The following CASZ1 variants were observed in gnomAD, a reference collection of about 807,000 sequenced individuals.
CASZ1 encodes castor zinc finger 1.
CASZ1 carries 28 observed loss-of-function variants against 135.2 expected under a neutral mutation model. The observed-to-expected ratio is 0.21, with a 90% CI of 0.15 to 0.28. CASZ1 has a LOEUF of 0.28. Among genes scored for constraint, CASZ1 ranks in the 10% least tolerant of loss-of-function variants. CASZ1 has a pLI of 1.00. For missense variants in CASZ1, 2,161 were observed against 2,453.3 expected, an observed-to-expected ratio of 0.88 and a Z score of 2.52; for synonymous variants, 1,068 against 1,073.4, an observed-to-expected ratio of 0.99 and a Z score of 0.10.
Position 10,755,199 on chromosome 1 carries a change from C to T in CASZ1, c.-77+5502G>A, listed in dbSNP as rs2100564110. Among the ~76,000 whole-genome samples, 1 of 152,344 alleles carries T rather than the reference C, an allele frequency of 6.6e-6. No individual in the cohort carries two copies. The highest frequency in any genetic ancestry group is 1.9e-4 in the East Asian group (1 of 5,178). On this transcript the variant is annotated intron_variant, in intron 2 of 20. Transcript: ENST00000377022. The surrounding 1 kb of genome is among the most constrained non-coding windows in gnomAD (Gnocchi z 4.3). ...GGGGATCACTGGCCGCCTCATGCCT[C>T]AGGGTGGTGGCTCTGGGCCTAAGGG...
chr1:10,714,885 C>T (rs1008085573), intron 2 of CASZ1, among the ~76,000 whole-genome samples: 11 of 152,228 alleles, frequency 7.2e-5, no homozygotes, highest in Admixed American at 1.3e-4. Flanking sequence ...GCTGCCTTGT[C>T]TCCACCCAGC....
rs1271565475 is a variant in CASZ1, at chr1:10,676,327, C to T, written c.17-10756G>A. Among the ~76,000 whole-genome samples the T allele has an allele frequency of 6.6e-6, 1 of 152,294 alleles. No homozygotes were observed. Among genetic ancestry groups the T allele is most frequent in the East Asian group, 1.9e-4 (1 of 5,182 alleles). ...TTGTCGGCCACGTTGAGGGAGGGCC[C>T]CTGCCTGTCCCATGCTCACCCCTGT... On this transcript the variant is annotated intron_variant, in intron 4 of 20. Coordinates refer to ENST00000377022, the MANE Select transcript of CASZ1 (RefSeq NM_001079843.3). The surrounding 1 kb of genome is among the most constrained non-coding windows in gnomAD (Gnocchi z 4.5).
At chr1:10,640,498 T>A (rs1469671007) in intron 20 of CASZ1, among the ~76,000 whole-genome samples, 1 of 152,192 alleles carries the variant, frequency 6.6e-6, no homozygotes, top group East Asian at 1.9e-4. Context: ...CCGGCTCCTT[T>A]CCCGCCGGCT....
Position 10,640,068 on chromosome 1 carries a change from G to T in CASZ1, c.4163-9C>A. The T allele has an allele frequency of 1.3e-6, 2 of 1,599,570 alleles. No homozygotes were observed. Among genetic ancestry groups the T allele is most frequent in the South Asian group, 1.1e-5 (1 of 90,540 alleles). On this transcript the variant is annotated splice_polypyrimidine_tract_variant and intron_variant, in intron 20 of 20. Coordinates refer to ENST00000377022, the MANE Select transcript of CASZ1 (RefSeq NM_001079843.3). ...CATAGAGATGGTGTTCCCTGGGGAGGGGCAGGGAGGTCAGTGCAGAAGAGG... is the reference window on the plus strand; with the variant it reads ...CATAGAGATGGTGTTCCCTGGGGAGTGGCAGGGAGGTCAGTGCAGAAGAGG...
At position 10,709,382 on chromosome 1, in the gene CASZ1, G is replaced by A. The variant is rs1334137302; in HGVS notation, c.-76-3838C>T. ...GCTGGGGCCATGTCAGCCCGGCAGT[G>A]TGAGGAGGGGGGCGGCATAGACAAC... On this transcript the variant is annotated intron_variant, in intron 2 of 20. Coordinates refer to ENST00000377022, the MANE Select transcript of CASZ1 (RefSeq NM_001079843.3). The surrounding 1 kb of genome is among the most constrained non-coding windows in gnomAD (Gnocchi z 5.1). 2.0e-5 allele frequency among the ~76,000 whole-genome samples: 3 copies of A among 152,136 alleles called. No homozygotes were observed. The highest frequency in any genetic ancestry group is 4.8e-5 in the African/African-American group (2 of 41,428).
intron 1 of CASZ1, among the ~76,000 whole-genome samples, chr1:10,778,065 TCACA>T (rs961848443): frequency 1.7e-4 from 26 of 150,832 alleles, no homozygotes; most frequent in African/African-American, 5.6e-4. Context: ...ACGCAAAATC[TCACA>T]CACACAATCT....
intron 4 of CASZ1, among the ~76,000 whole-genome samples, chr1:10,673,111 C>A (rs1315687735): frequency 2.0e-5 from 3 of 149,246 alleles, no homozygotes; most frequent in Admixed American, 6.7e-5. Context: ...GAGGGCCCTG[C>A]GGAGGGGCTG....
chr1:10,743,417 A>AGGGGAGCCCTGGGAGAGCCCTG (rs1639966762), intron 2 of CASZ1, among the ~76,000 whole-genome samples: 1 of 151,000 alleles, frequency 6.6e-6, no homozygotes, highest in Admixed American at 6.6e-5. Context: ...CTCAGAATGA[A>AGGGGAGCCCTGGGAGAGCCCTG]GGAGAGCCCT....
At chr1:10,651,144 G>A (rs964670627) in intron 11 of CASZ1, 68 bp from the exon 12 acceptor site, 23 of 1,336,492 alleles carry the variant, frequency 1.7e-5, no homozygotes, top group Non-Finnish European at 2.0e-5. Context: ...GACAGCCGCC[G>A]TGCCCCCTGG....
chr1:10,698,933 C>A (rs1049202803), intron 3 of CASZ1, among the ~76,000 whole-genome samples: 3 of 152,224 alleles, frequency 2.0e-5, no homozygotes, highest in African/African-American at 7.2e-5. Flanking sequence ...CACAGCGGAC[C>A]GGACCGGAGG....
At chr1:10,790,927 G>A (rs1557574287) in intron 1 of CASZ1, among the ~76,000 whole-genome samples, 1 of 151,948 alleles carries the variant, frequency 6.6e-6, no homozygotes, top group African/African-American at 2.4e-5. Flanking sequence ...AATCTTATTA[G>A]CAAAGGTCCA....
At position 10,758,846 on chromosome 1, in the gene CASZ1, AG is replaced by A. The variant is rs1258517774; in HGVS notation, c.-77+1854del. Among the ~76,000 whole-genome samples the A allele has an allele frequency of 5.3e-5, 8 of 152,304 alleles. No homozygotes were observed. In the South Asian group the frequency reaches 1.7e-3, roughly 32 times the overall value. ...CTGCAGTCCAGCCTGGTCACTGGAA[AG>A]GGCTAAGTGAGGAGGGACTTGGCCA... On this transcript the variant is annotated intron_variant, in intron 2 of 20. Transcript: ENST00000377022.
chr1:10,721,463 C>T lies in CASZ1; in HGVS notation c.-76-15919G>A, dbSNP rs572254014. On this transcript the variant is annotated intron_variant, in intron 2 of 20. Coordinates refer to ENST00000377022, the MANE Select transcript of CASZ1 (RefSeq NM_001079843.3). The surrounding 1 kb of genome is among the most constrained non-coding windows in gnomAD (Gnocchi z 5.4). The stretch of plus-strand genomic sequence containing the variant: ...AACAAAAAAGGCCTGTTAACCAAAA[C>T]ACTAATTGCTGTGACTGATTGTCAC... 1.3e-4 allele frequency among the ~76,000 whole-genome samples: 20 copies of T among 152,304 alleles called. No homozygotes were observed. Among genetic ancestry groups the T allele is most frequent in the African/African-American group, 4.8e-4 (20 of 41,568 alleles).
intron 4 of CASZ1, among the ~76,000 whole-genome samples, chr1:10,672,135 T>C (rs1014704614): frequency 1.3e-5 from 2 of 151,154 alleles, no homozygotes; most frequent in African/African-American, 4.9e-5. Context: ...GCCCGCCGCA[T>C]CTCCCCATGA....
At chr1:10,754,079 T>C (rs1311265392) in intron 2 of CASZ1, among the ~76,000 whole-genome samples, 3 of 152,146 alleles carry the variant, frequency 2.0e-5, no homozygotes, top group African/African-American at 7.2e-5. Flanking sequence ...ATGCTCTTCC[T>C]ACAGATATCG....
chr1:10,656,541 A>C (rs1642801384), intron 8 of CASZ1, 105 bp downstream of exon 8: 1 of 829,136 alleles, frequency 1.2e-6, no homozygotes, highest in Non-Finnish European at 2.0e-6. Context: ...TGGGTGGTGC[A>C]ACTAGAACTA....
rs543437535 is a variant in CASZ1, at chr1:10,699,563, C to T, written c.-23-5651G>A. The stretch of plus-strand genomic sequence containing the variant: ...GCTGGCAGCCCAGCACCCAGGGAGC[C>T]GGGAGCAGGTTTAATTTGCCAGGCA... On this transcript the variant is annotated intron_variant, in intron 3 of 20. Coordinates refer to ENST00000377022, the MANE Select transcript of CASZ1 (RefSeq NM_001079843.3). This position sits in a 1 kb window ranked among gnomAD's most constrained non-coding sequence, Gnocchi z 4.6. Among the ~76,000 whole-genome samples the T allele has an allele frequency of 2.6e-5, 4 of 152,284 alleles. No homozygotes were observed. Among genetic ancestry groups the T allele is most frequent in the South Asian group, 4.2e-4 (2 of 4,818 alleles).
At chr1:10,740,194 C>G (rs984586337) in intron 2 of CASZ1, among the ~76,000 whole-genome samples, 3 of 152,220 alleles carry the variant, frequency 2.0e-5, no homozygotes, top group Non-Finnish European at 2.9e-5. Flanking sequence ...GGCAAGGCCA[C>G]TTGCCCAATG....
rs1639582618 is a variant in CASZ1 at position 10,725,645 on chromosome 1, C to T, written c.-76-20101G>A. On this transcript the variant is annotated intron_variant, in intron 2 of 20. Transcript: ENST00000377022. This position sits in a 1 kb window ranked among gnomAD's most constrained non-coding sequence, Gnocchi z 4.4. ...TGGAGTTCATTCAGCTACCATGTTA[C>T]AATCCAGTCACACTCCAGGCCTGGG... 6.6e-6 allele frequency among the ~76,000 whole-genome samples: 1 copy of T among 151,926 alleles called. No individual in the cohort carries two copies. Among genetic ancestry groups the T allele is most frequent in the Non-Finnish European group, 1.5e-5 (1 of 68,034 alleles).
Sources: gnomAD v4.1 joint callset for allele counts (sites outside exome capture counted in the v4.1 genomes callset) on GRCh38, gnomAD v4.1.1 for gene constraint, Gnocchi (gnomAD v3.1) non-coding constraint, MANE v1.5 for transcripts, NCBI Gene and HGNC (gene_info 2026-07-23, HGNC 2026-07-21) for gene names.